Variants in COL28A1 observed in about 807,000 individuals in gnomAD.
COL28A1 encodes collagen alpha-1(XXVIII) chain.
A neutral mutation model predicts 150.2 loss-of-function variants in COL28A1; 161 were observed. That is an observed-to-expected ratio of 1.07 (90% CI 0.94 to 1.22). The LOEUF (loss-of-function observed/expected upper bound fraction) is 1.22, where lower values mean the gene tolerates loss of function less well. COL28A1 is among the 50% of genes most tolerant of loss of function. The pLI is 0.00. For missense variants in COL28A1, 1,617 were observed against 1,388.3 expected, an observed-to-expected ratio of 1.16 and a Z score of -2.62; for synonymous variants, 552 against 469.7, an observed-to-expected ratio of 1.18 and a Z score of -2.26.
intron 27 of COL28A1, among the ~76,000 whole-genome samples, chr7:7,387,343 A>G (rs1782251298): frequency 6.6e-6 from 1 of 152,210 alleles, no homozygotes; most frequent in Admixed American, 6.5e-5. Flanking sequence ...CTGCATATAA[A>G]TAATCCTTTA....
Position 7,477,154 on chromosome 7 carries a change from TG to T in COL28A1, c.1190del (p.Pro397GlnfsTer41). 7.5e-7 allele frequency: 1 copy of T among 1,334,848 alleles called. No homozygotes were observed. Among genetic ancestry groups the T allele is most frequent in the Non-Finnish European group, 1.1e-6 (1 of 924,652 alleles). The allele number at this position is 1,334,848 out of a possible 1,614,324, so 82.7% of individuals were successfully genotyped here. On this transcript the variant is annotated frameshift_variant, in exon 14 of 35. Coordinates refer to ENST00000399429, the MANE Select transcript of COL28A1 (RefSeq NM_001037763.3). LOFTEE classifies it high-confidence loss of function. The part of the protein sequence containing the change: ...QPGPRGPEGV[P>X]GERGLPGEGF... ...CTTCTCCGGGTAAGCCCCTCTCTCC[TG>T]GTACTCCCTCAGGACCACGGGGACC... is the stretch of plus-strand genomic sequence containing the variant.
At chr7:7,441,524 G>GAAAAA (rs55984344) in intron 20 of COL28A1, among the ~76,000 whole-genome samples, 1 of 139,058 alleles carries the variant, frequency 7.2e-6, no homozygotes, top group Admixed American at 7.2e-5. Context: ...CTCAACAAAC[G>GAAAAA]AAAAAAAAAA....
chr7:7,420,488 G>A (rs1054938508), intron 25 of COL28A1, among the ~76,000 whole-genome samples: 5 of 152,208 alleles, frequency 3.3e-5, no homozygotes, highest in Non-Finnish European at 5.9e-5. Flanking sequence ...ACGCCCTGTG[G>A]CAAGACCTAC....
At chr7:7,496,149 T>C (rs184685443) in intron 11 of COL28A1, among the ~76,000 whole-genome samples, 5 of 152,352 alleles carry the variant, frequency 3.3e-5, no homozygotes, top group Non-Finnish European at 5.9e-5. Flanking sequence ...ATTTTAGTAT[T>C]GATAGCACTG....
chr7:7,472,008 C>G (rs1788474747), intron 15 of COL28A1, among the ~76,000 whole-genome samples: 1 of 152,166 alleles, frequency 6.6e-6, no homozygotes, highest in South Asian at 2.1e-4. Flanking sequence ...AATTGGCATA[C>G]AAGGAGCATA....
chr7:7,417,280 G>T (rs1398511132), intron 27 of COL28A1, among the ~76,000 whole-genome samples: 1 of 151,664 alleles, frequency 6.6e-6, no homozygotes, highest in South Asian at 2.1e-4. Flanking sequence ...CAGACTCAGG[G>T]CCTAGAATAG....
At chr7:7,390,254 T>A (rs139691843) in intron 27 of COL28A1, among the ~76,000 whole-genome samples, 1 of 152,188 alleles carries the variant, frequency 6.6e-6, no homozygotes, top group South Asian at 2.1e-4. Context: ...GACAATCATG[T>A]GGTTTTTGTC....
chr7:7,483,746 A>G lies in COL28A1; in HGVS notation c.1164+5643T>C, dbSNP rs575103184. Among the ~76,000 whole-genome samples the G allele has an allele frequency of 4.0e-4, 61 of 152,324 alleles. 2 individuals carry two copies. The South Asian group carries it at 0.012, about 29-fold the overall frequency. On this transcript the variant is annotated intron_variant, in intron 13 of 34. Coordinates refer to ENST00000399429, the MANE Select transcript of COL28A1 (RefSeq NM_001037763.3). ...CCTCAAGAATGTCAAATAATAGAAT[A>G]AAATAATAGAGACAAAAAAGAAGTA... is the stretch of plus-strand genomic sequence containing the variant.
intron 1 of COL28A1, among the ~76,000 whole-genome samples, chr7:7,534,677 TA>T (rs897935876): frequency 2.0e-5 from 3 of 152,168 alleles, no homozygotes; most frequent in African/African-American, 7.2e-5. Flanking sequence ...TGGCTTTAAA[TA>T]AAGATTTATC....
intron 33 of COL28A1, among the ~76,000 whole-genome samples, chr7:7,367,774 C>T (rs987215444): frequency 6.6e-6 from 1 of 151,090 alleles, no homozygotes; most frequent in African/African-American, 2.4e-5. Flanking sequence ...CCTCAGGCAC[C>T]TCCACTTTAC....
intron 7 of COL28A1, among the ~76,000 whole-genome samples, chr7:7,516,249 G>A (rs553127192): frequency 6.6e-6 from 1 of 152,312 alleles, no homozygotes; most frequent in Non-Finnish European, 1.5e-5. Flanking sequence ...GAAAGAAATT[G>A]GCTTTGAAAA....
intron 13 of COL28A1, among the ~76,000 whole-genome samples, chr7:7,477,535 C>A (rs183143146): frequency 6.6e-6 from 1 of 152,122 alleles, no homozygotes. Flanking sequence ...AGCCGCGGAC[C>A]CTCGCGGTGA....
At chr7:7,375,377 CT>C in intron 31 of COL28A1, 83 bp downstream of exon 31, 1 of 1,270,342 alleles carries the variant, frequency 7.9e-7, no homozygotes, top group Admixed American at 2.6e-5. Context: ...TAATATACAT[CT>C]GGACGAACAC....
At chr7:7,481,112 A>C (rs956189040) in intron 13 of COL28A1, among the ~76,000 whole-genome samples, 5 of 152,216 alleles carry the variant, frequency 3.3e-5, no homozygotes, top group African/African-American at 1.2e-4. Flanking sequence ...TGAGTGAATG[A>C]TTTAAATTAA....
At chr7:7,371,877 G>C (rs1224777452) in intron 32 of COL28A1, among the ~76,000 whole-genome samples, 5 of 151,890 alleles carry the variant, frequency 3.3e-5, no homozygotes, top group Non-Finnish European at 4.4e-5. Context: ...CTGTCGCCCA[G>C]GCTGGAGTGC....
At chr7:7,524,560 G>C (rs544669012) in intron 3 of COL28A1, among the ~76,000 whole-genome samples, 47 of 152,220 alleles carry the variant, frequency 3.1e-4, no homozygotes, top group Non-Finnish European at 6.0e-4. Context: ...TGACTATAAA[G>C]TTAATCAGTC....
intron 21 of COL28A1, among the ~76,000 whole-genome samples, chr7:7,438,206 C>T (rs535065786): frequency 3.9e-5 from 6 of 152,196 alleles, no homozygotes; most frequent in South Asian, 2.1e-4. Flanking sequence ...GAGCTGAGAT[C>T]GCATCACTGC....
chr7:7,485,645 T>C (rs1779586523), intron 13 of COL28A1, among the ~76,000 whole-genome samples: 1 of 152,212 alleles, frequency 6.6e-6, no homozygotes, highest in Admixed American at 6.5e-5. Flanking sequence ...TTGTATAAGG[T>C]GTGAGACTTA....
chr7:7,437,613 CT>C (rs1423040358), intron 21 of COL28A1, 151 bp from the exon 22 acceptor site: 5 of 1,290,838 alleles, frequency 3.9e-6, no homozygotes, highest in Non-Finnish European at 3.9e-6. Context: ...ATTTGAGCAT[CT>C]TTTGTAACCA....
Sources: gnomAD v4.1 joint callset for allele counts (sites outside exome capture counted in the v4.1 genomes callset) on GRCh38, gnomAD v4.1.1 for gene constraint, MANE v1.5 for transcripts, NCBI Gene and HGNC (gene_info 2026-07-23, HGNC 2026-07-21) for gene names.